The following PRIM1 variants were observed in gnomAD, a reference collection of about 807,000 sequenced individuals.
The protein encoded by PRIM1 is DNA primase small subunit.
A neutral mutation model predicts 60.2 loss-of-function variants in PRIM1; 38 were observed. The ratio of observed to expected loss-of-function variants is 0.63; its 90% CI spans 0.49 to 0.83. PRIM1 has a LOEUF of 0.83. PRIM1 is among the 40% of genes least tolerant of loss of function. The probability of loss-of-function intolerance (pLI) is 0.00; values close to 1 mark genes in which losing one functional copy is unlikely to be tolerated. For missense variants in PRIM1, 388 were observed against 506.2 expected (o/e 0.77, Z 2.24); for synonymous variants, 158 against 160.2 (o/e 0.99, Z 0.10).
chr12:56,735,848 G>A (rs1049547697), intron 11 of PRIM1, among the ~76,000 whole-genome samples: 16 of 149,980 alleles, frequency 1.1e-4, no homozygotes, highest in African/African-American at 1.7e-4. Flanking sequence ...ATGGGGTTTC[G>A]CCATGTTGGC....
intron 1 of PRIM1, 132 bp from the exon 2 acceptor site, chr12:56,751,327 T>G: frequency 1.7e-6 from 1 of 596,514 alleles, no homozygotes; most frequent in Non-Finnish European, 2.7e-6. Context: ...TCGCCCAGAC[T>G]GGAGTGCAGT....
At chr12:56,751,232 A>C (rs1288926683) in intron 1 of PRIM1, 37 bp from the exon 2 acceptor site, 1 of 1,424,992 alleles carries the variant, frequency 7.0e-7, no homozygotes, top group African/African-American at 1.5e-5. Context: ...TTAATTTGCT[A>C]CTTTATTTGG....
chr12:56,741,328 A>T, intron 9 of PRIM1, 107 bp downstream of exon 9: 1 of 1,211,828 alleles, frequency 8.3e-7, no homozygotes, highest in Non-Finnish European at 1.1e-6. Context: ...CAATTCTTCT[A>T]CCTTTAAATC....
intron 10 of PRIM1, 50 bp downstream of exon 10, chr12:56,739,244 A>G (rs1248536047): frequency 7.4e-7 from 1 of 1,352,240 alleles, no homozygotes; most frequent in East Asian, 2.6e-5. Flanking sequence ...TTTATTTAAA[A>G]TTCATAACAA....
intron 11 of PRIM1, among the ~76,000 whole-genome samples, chr12:56,736,298 TAAAAAAAAAAAAA>T (rs756452647): frequency 2.3e-3 from 56 of 24,324 alleles, no homozygotes; most frequent in African/African-American, 0.012. Flanking sequence ...ACTCTTTCTC[TAAAAAAAAAAAAA>T]AAAAAAAAAA....
At chr12:56,738,771 C>T (rs1013672817) in intron 10 of PRIM1, among the ~76,000 whole-genome samples, 11 of 152,124 alleles carry the variant, frequency 7.2e-5, no homozygotes, top group Non-Finnish European at 1.6e-4. Context: ...AGGATGGTCT[C>T]GATCTCTTGA....
intron 9 of PRIM1, 117 bp downstream of exon 9, chr12:56,741,318 C>G: frequency 8.9e-7 from 1 of 1,127,990 alleles, no homozygotes; most frequent in Non-Finnish European, 1.2e-6. Flanking sequence ...GGTGACAGAG[C>G]AATTCTTCTA....
intron 6 of PRIM1, 58 bp from the exon 7 acceptor site, chr12:56,743,154 T>C (rs377149231): frequency 9.3e-5 from 132 of 1,424,546 alleles, no homozygotes; most frequent in Middle Eastern, 5.4e-4. Flanking sequence ...ATATGCCACA[T>C]AGGTATTGCT....
chr12:56,747,828 A>G (rs1430649039), intron 2 of PRIM1, among the ~76,000 whole-genome samples: 1 of 152,190 alleles, frequency 6.6e-6, no homozygotes, highest in Non-Finnish European at 1.5e-5. Flanking sequence ...GGAGATTCAT[A>G]AAACTAAATC....
chr12:56,739,255 C>T (rs759546394), intron 10 of PRIM1, 39 bp downstream of exon 10: 34 of 1,386,130 alleles, frequency 2.5e-5, no homozygotes, highest in Non-Finnish European at 9.8e-7. Flanking sequence ...TTCATAACAA[C>T]AATTACAAAC....
At chr12:56,732,773 C>T (rs1321075877) in intron 12 of PRIM1, among the ~76,000 whole-genome samples, 1 of 90,908 alleles carries the variant, frequency 1.1e-5, no homozygotes, top group East Asian at 4.3e-4. Context: ...TTTTCCACCT[C>T]CATACCCTTT....
intron 1 of PRIM1, 47 bp downstream of exon 1, chr12:56,752,149 C>T: frequency 1.4e-6 from 2 of 1,401,600 alleles, no homozygotes; most frequent in Non-Finnish European, 2.0e-6. Flanking sequence ...ACCCCGCCTC[C>T]AACCTCCTCA....
At chr12:56,734,548 T>C (rs1953809309) in intron 11 of PRIM1, among the ~76,000 whole-genome samples, 1 of 151,058 alleles carries the variant, frequency 6.6e-6, no homozygotes, top group South Asian at 2.1e-4. Flanking sequence ...TACAGGCATG[T>C]ACCACCATGC....
At position 56,738,525 on chromosome 12, in the gene PRIM1, G is replaced by T; in HGVS notation, c.1053C>A (p.Ser351Arg). The T allele has an allele frequency of 6.4e-7, 1 of 1,572,778 alleles. No homozygotes were observed. The highest frequency in any genetic ancestry group is 1.9e-5 in the Admixed American group (1 of 53,650). ...TGGCATCCAATTCACGGCAGATGAA[G>T]CTGCAAGTAACAGAACAAGAGAATT... ...QFDPFTVPTI[S>R]FICRELDAIS... The change falls in exon 11 of 13, where the codon AGC becomes AGA. Residue 351 changes from serine (S) to arginine (R), a missense_variant and splice_region_variant. Physicochemically the swap from Ser to Arg is moderately radical, Grantham distance 110 (BLOSUM62 -1). Coordinates refer to ENST00000338193, the MANE Select transcript of PRIM1 (RefSeq NM_000946.3).
chr12:56,741,621 T>TG (rs1953872564), intron 8 of PRIM1, 45 bp from the exon 9 acceptor site: 1 of 1,586,512 alleles, frequency 6.3e-7, no homozygotes, highest in Non-Finnish European at 8.6e-7. Context: ...TAGGAACTGT[T>TG]GAAGATTTCT....
At chr12:56,745,543 T>C (rs1953900168) in intron 5 of PRIM1, among the ~76,000 whole-genome samples, 1 of 152,184 alleles carries the variant, frequency 6.6e-6, no homozygotes, top group African/African-American at 2.4e-5. Context: ...CAAAGCAAGA[T>C]ATTTATAGCA....
chr12:56,751,233 C>T, intron 1 of PRIM1, 38 bp from the exon 2 acceptor site: 2 of 1,404,570 alleles, frequency 1.4e-6, no homozygotes, highest in South Asian at 1.5e-5. Context: ...TAATTTGCTA[C>T]TTTATTTGGC....
chr12:56,742,598 C>A (rs556374463), intron 7 of PRIM1, among the ~76,000 whole-genome samples: 2,220 of 151,720 alleles, frequency 0.015, 61 homozygotes, highest in African/African-American at 0.052. Flanking sequence ...AACAAAAAAA[C>A]CCCAAACCAA....
At chr12:56,749,845 T>C (rs1953933834) in intron 2 of PRIM1, among the ~76,000 whole-genome samples, 1 of 152,162 alleles carries the variant, frequency 6.6e-6, no homozygotes, top group Non-Finnish European at 1.5e-5. Flanking sequence ...CCCACCAGTG[T>C]ATATATTTGA....
Sources: gnomAD v4.1 joint callset for allele counts (sites outside exome capture counted in the v4.1 genomes callset) on GRCh38, gnomAD v4.1.1 for gene constraint, MANE v1.5 for transcripts, NCBI Gene and HGNC (gene_info 2026-07-23, HGNC 2026-07-21) for gene names.